The following UTRN variants were observed in gnomAD, a reference collection of about 807,000 sequenced individuals.
UTRN encodes the protein dystrophin-related protein 1.
UTRN carries 283 observed loss-of-function variants against 463.9 expected under a neutral mutation model. The ratio of observed to expected loss-of-function variants is 0.61; its 90% CI spans 0.55 to 0.67. UTRN has a LOEUF of 0.67. Ranked by LOEUF, UTRN falls within the 30% of genes least tolerant of loss-of-function variation. The pLI is 0.00. For synonymous variants in UTRN, 1,442 were observed against 1,431.5 expected, an observed-to-expected ratio of 1.01 and a Z score of -0.17; for missense variants, 3,922 against 4,084.3, an observed-to-expected ratio of 0.96 and a Z score of 1.08.
At chr6:144,541,184 C>T (rs1797947917) in intron 45 of UTRN, among the ~76,000 whole-genome samples, 4 of 152,330 alleles carry the variant, frequency 2.6e-5, no homozygotes, top group Non-Finnish European at 4.4e-5. Flanking sequence ...CTATCTTGCT[C>T]AGGGTGAAAG....
chr6:144,840,049 G>A (rs541520723), intron 72 of UTRN, among the ~76,000 whole-genome samples: 3 of 152,064 alleles, frequency 2.0e-5, no homozygotes, highest in Admixed American at 6.5e-5. Flanking sequence ...TTAGCCAGGC[G>A]TGGTGGAGCA....
chr6:144,543,250 T>C (rs981675923), intron 46 of UTRN, among the ~76,000 whole-genome samples: 1 of 152,206 alleles, frequency 6.6e-6, no homozygotes, highest in African/African-American at 2.4e-5. Context: ...GGTTAACATA[T>C]GTAATTAGAC....
At chr6:144,345,008 G>GA (rs1411485979) in intron 2 of UTRN, among the ~76,000 whole-genome samples, 18 of 152,134 alleles carry the variant, frequency 1.2e-4, no homozygotes, top group African/African-American at 4.1e-4. Flanking sequence ...TTTTGGAGGG[G>GA]AAAAACCCCA....
rs1015165229 is a variant in UTRN, at chr6:144,346,824, A to T, written c.79+54917A>T. On this transcript the variant is annotated intron_variant, in intron 2 of 74. Transcript: ENST00000367545. ...GGCATCAGGGCGAGACTCTGTTTAA[A>T]AAAAAAATAGATCTCTATCTCTATC... is the stretch of plus-strand genomic sequence containing the variant. Among the ~76,000 whole-genome samples, 3 of 152,108 alleles carry T rather than the reference A, an allele frequency of 2.0e-5. No homozygotes were observed. In the East Asian group the frequency reaches 5.8e-4, roughly 29 times the overall value.
chr6:144,495,240 T>C (rs1275627163), intron 33 of UTRN, among the ~76,000 whole-genome samples: 1 of 151,942 alleles, frequency 6.6e-6, no homozygotes, highest in African/African-American at 2.4e-5. Flanking sequence ...CAGGAGCCCA[T>C]GGAGGGGGTG....
intron 58 of UTRN, chr6:144,758,392 A>G (rs2128726486): frequency 6.5e-6 from 1 of 153,664 alleles, no homozygotes; most frequent in Middle Eastern, 3.4e-3. Flanking sequence ...CAAATTCTAA[A>G]CCATTTTTCT....
At chr6:144,385,991 G>T (rs1003229621) in intron 2 of UTRN, among the ~76,000 whole-genome samples, 15 of 152,158 alleles carry the variant, frequency 9.9e-5, no homozygotes, top group African/African-American at 2.9e-4. Flanking sequence ...TTATAGGCAT[G>T]AGCCACTGTC....
chr6:144,596,597 A>G (rs1319949434), intron 51 of UTRN, among the ~76,000 whole-genome samples: 1 of 152,208 alleles, frequency 6.6e-6, no homozygotes, highest in Non-Finnish European at 1.5e-5. Flanking sequence ...TTGACATCAA[A>G]TGAATCAAAT....
At chr6:144,722,026 T>A (rs1217499368) in intron 53 of UTRN, among the ~76,000 whole-genome samples, 1 of 152,204 alleles carries the variant, frequency 6.6e-6, no homozygotes, top group Admixed American at 6.5e-5. Context: ...TAAGAGCACT[T>A]TTAGCTCAAT....
chr6:144,607,397 A>G (rs942604871), intron 51 of UTRN, among the ~76,000 whole-genome samples: 4 of 152,208 alleles, frequency 2.6e-5, no homozygotes, highest in African/African-American at 9.6e-5. Flanking sequence ...AACTTTGTTC[A>G]TCTCAATATT....
intron 39 of UTRN, among the ~76,000 whole-genome samples, chr6:144,519,753 A>G (rs1175442413): frequency 6.6e-6 from 1 of 152,206 alleles, no homozygotes; most frequent in Non-Finnish European, 1.5e-5. Context: ...GAAAAGAAAA[A>G]GAGGCAGTCT....
chr6:144,635,190 C>T (rs1055902922), intron 51 of UTRN, among the ~76,000 whole-genome samples: 3 of 144,122 alleles, frequency 2.1e-5, no homozygotes, highest in African/African-American at 7.7e-5. Flanking sequence ...TACTGTGTCA[C>T]CCAGGCTAGA....
intron 51 of UTRN, among the ~76,000 whole-genome samples, chr6:144,595,972 G>C (rs1002471822): frequency 6.6e-6 from 1 of 152,088 alleles, no homozygotes; most frequent in East Asian, 1.9e-4. Flanking sequence ...CGGTGTGGTG[G>C]TAAAGAAAGG....
intron 73 of UTRN, among the ~76,000 whole-genome samples, chr6:144,845,289 A>G (rs1328809088): frequency 1.3e-5 from 2 of 152,206 alleles, no homozygotes; most frequent in Non-Finnish European, 2.9e-5. Context: ...ATTTTTTGGT[A>G]TAAATTTTTT....
At chr6:144,578,170 T>G (rs1801625382) in intron 51 of UTRN, among the ~76,000 whole-genome samples, 1 of 152,120 alleles carries the variant, frequency 6.6e-6, no homozygotes, top group African/African-American at 2.4e-5. Flanking sequence ...ACTACTACAC[T>G]TCATTCTAGG....
chr6:144,496,856 A>G (rs1320963242), intron 33 of UTRN, among the ~76,000 whole-genome samples: 1 of 152,188 alleles, frequency 6.6e-6, no homozygotes, highest in Non-Finnish European at 1.5e-5. Flanking sequence ...AAGTCTGGGT[A>G]GGAGTAACCT....
rs952270413 is a variant in UTRN, at chr6:144,797,346, G to A, written c.9079-478G>A. 3.3e-5 allele frequency among the ~76,000 whole-genome samples: 5 copies of A among 152,076 alleles called. No individual in the cohort carries two copies. In the East Asian group the frequency reaches 9.7e-4, roughly 29 times the overall value. On this transcript the variant is annotated intron_variant, in intron 63 of 74. Coordinates refer to ENST00000367545, the MANE Select transcript of UTRN (RefSeq NM_007124.3). ...TGGGACTACAGGTGCACGCCACAAG[G>A]CCCAGCTAATTTTGTGTGTGTGTGT...
At chr6:144,371,290 C>T (rs1779960431) in intron 2 of UTRN, among the ~76,000 whole-genome samples, 1 of 152,100 alleles carries the variant, frequency 6.6e-6, no homozygotes, top group Non-Finnish European at 1.5e-5. Flanking sequence ...AATTCCTTTC[C>T]ATGCCAGTAT....
chr6:144,542,732 T>C lies in UTRN; in HGVS notation c.6520-63T>C. On this transcript the variant is annotated intron_variant, in intron 45 of 74. Transcript: ENST00000367545. ...GCCATTCAGAATAACACCTCTTCTT[T>C]TGAACTACAGTCATCTTTATTTACG... The C allele has an allele frequency of 7.2e-6, 11 of 1,526,260 alleles. No homozygotes were observed. In the Admixed American group the frequency reaches 2.2e-4, roughly 31 times the overall value. 94.5% of individuals were successfully genotyped at this position (1,526,260 alleles called of 1,614,324 possible). A position where few individuals can be genotyped will look rare whatever the true frequency, so the allele number is the denominator to read the frequency against.
Sources: allele counts gnomAD v4.1 joint callset (sites outside exome capture counted in the v4.1 genomes callset), GRCh38; gene constraint gnomAD v4.1.1; transcripts MANE v1.5; gene names NCBI Gene and HGNC (gene_info 2026-07-23, HGNC 2026-07-21).